GRIA2: variants seen among roughly 807,000 people sequenced by gnomAD.
GRIA2 encodes glutamate receptor 2.
GRIA2 carries 14 observed loss-of-function variants against 97.3 expected under a neutral mutation model. The observed-to-expected ratio is 0.14, with a 90% confidence interval of 0.10 to 0.23. The LOEUF is 0.23. Ranked by LOEUF, GRIA2 falls within the 10% of genes least tolerant of loss-of-function variation. The pLI is 1.00. For missense variants in GRIA2, 558 were observed against 1,069.8 expected, an observed-to-expected ratio of 0.52 and a Z score of 6.67; for synonymous variants, 412 against 387.8, an observed-to-expected ratio of 1.06 and a Z score of -0.73.
chr4:157,315,023 A>G (rs191184450), intron 4 of GRIA2, among the ~76,000 whole-genome samples: 1 of 152,298 alleles, frequency 6.6e-6, no homozygotes, highest in East Asian at 1.9e-4. Flanking sequence ...AGGAGAAAGA[A>G]CCTTTCTTAA....
intron 10 of GRIA2, 118 bp downstream of exon 10, chr4:157,335,995 A>T (rs942409669): frequency 2.8e-6 from 2 of 721,444 alleles, no homozygotes; most frequent in Non-Finnish European, 4.9e-6. Context: ...ATTACTCTAG[A>T]AACATTATCT....
chr4:157,353,987 T>C (rs1187269847), intron 12 of GRIA2, among the ~76,000 whole-genome samples: 1 of 152,100 alleles, frequency 6.6e-6, no homozygotes, highest in Admixed American at 6.5e-5. Flanking sequence ...AGTTTTCATA[T>C]AAAATGTCAT....
intron 2 of GRIA2, among the ~76,000 whole-genome samples, chr4:157,300,414 G>A (rs1170026391): frequency 6.6e-6 from 1 of 152,028 alleles, no homozygotes; most frequent in Non-Finnish European, 1.5e-5. Context: ...AAGTACCTTA[G>A]TTTAGGTAAG....
intron 2 of GRIA2, among the ~76,000 whole-genome samples, chr4:157,267,139 T>A (rs1204453026): frequency 2.0e-5 from 3 of 151,270 alleles, no homozygotes; most frequent in East Asian, 3.9e-4. Context: ...TAAAAAAAAA[T>A]GTTGGGCTGG....
intron 8 of GRIA2, 53 bp from the exon 9 acceptor site, chr4:157,333,957 T>C: frequency 1.2e-6 from 1 of 828,816 alleles, no homozygotes; most frequent in Non-Finnish European, 2.1e-6. Context: ...TTAAATGCTT[T>C]GCTAATAGAC....
chr4:157,354,808 A>G (rs1207588287), intron 12 of GRIA2, among the ~76,000 whole-genome samples: 1 of 152,310 alleles, frequency 6.6e-6, no homozygotes, highest in East Asian at 1.9e-4. Flanking sequence ...ATCTTTCTAT[A>G]GGGAAGGATT....
intron 2 of GRIA2, among the ~76,000 whole-genome samples, chr4:157,226,901 T>C (rs1030446801): frequency 6.6e-6 from 1 of 152,152 alleles, no homozygotes; most frequent in East Asian, 1.9e-4. Flanking sequence ...TTCAGTTATA[T>C]TCAATTGCAG....
intron 2 of GRIA2, among the ~76,000 whole-genome samples, chr4:157,241,562 G>T (rs1026128660): frequency 2.0e-5 from 3 of 151,880 alleles, no homozygotes; most frequent in Non-Finnish European, 4.4e-5. Flanking sequence ...GTGTAACATA[G>T]ACAAAAAAGA....
At chr4:157,249,126 C>T (rs545719615) in intron 2 of GRIA2, among the ~76,000 whole-genome samples, 4 of 152,216 alleles carry the variant, frequency 2.6e-5, no homozygotes, top group Admixed American at 6.5e-5. Flanking sequence ...TGAGCCATCA[C>T]GCCCAGCTCA....
At chr4:157,285,279 A>C (rs1034343963) in intron 2 of GRIA2, among the ~76,000 whole-genome samples, 2 of 151,496 alleles carry the variant, frequency 1.3e-5, no homozygotes, top group Admixed American at 1.3e-4. Flanking sequence ...GTACTGATTC[A>C]TAGTTCTTTA....
At chr4:157,359,563 T>G (rs1308277096) in intron 12 of GRIA2, among the ~76,000 whole-genome samples, 1 of 152,170 alleles carries the variant, frequency 6.6e-6, no homozygotes, top group East Asian at 1.9e-4. Context: ...ATATCCTTTT[T>G]GTTGTCTCCT....
intron 3 of GRIA2, among the ~76,000 whole-genome samples, 160 bp downstream of exon 3, chr4:157,303,951 A>G (rs974682896): frequency 6.6e-6 from 1 of 152,208 alleles, no homozygotes; most frequent in Non-Finnish European, 1.5e-5. Context: ...AACCTGGGAA[A>G]CATATTTAGA....
chr4:157,253,223 C>T (rs1470502570), intron 2 of GRIA2, among the ~76,000 whole-genome samples: 1 of 151,424 alleles, frequency 6.6e-6, no homozygotes, highest in East Asian at 2.0e-4. Context: ...CTCAAGCCAT[C>T]CTCCCACTTC....
intron 2 of GRIA2, among the ~76,000 whole-genome samples, chr4:157,281,562 GCTTT>G (rs1296648838): frequency 6.6e-6 from 1 of 152,012 alleles, no homozygotes; most frequent in African/African-American, 2.4e-5. Context: ...AGAATCTTCT[GCTTT>G]CTAAGAAGTT....
intron 2 of GRIA2, among the ~76,000 whole-genome samples, chr4:157,253,443 T>C (rs1731103995): frequency 6.6e-6 from 1 of 151,974 alleles, no homozygotes; most frequent in Non-Finnish European, 1.5e-5. Flanking sequence ...TAAAATACAG[T>C]AAGTGGGAAT....
At chr4:157,289,516 T>C (rs1732998498) in intron 2 of GRIA2, among the ~76,000 whole-genome samples, 1 of 151,860 alleles carries the variant, frequency 6.6e-6, no homozygotes, top group African/African-American at 2.4e-5. Flanking sequence ...GAAGATAATG[T>C]ACAGGTAAAA....
At chr4:157,289,102 G>A (rs1732975456) in intron 2 of GRIA2, among the ~76,000 whole-genome samples, 1 of 151,804 alleles carries the variant, frequency 6.6e-6, no homozygotes. Context: ...TGAGAAGGCA[G>A]CAAAGATTTG....
chr4:157,281,135 C>A (rs1732574419), intron 2 of GRIA2, among the ~76,000 whole-genome samples: 1 of 152,178 alleles, frequency 6.6e-6, no homozygotes, highest in South Asian at 2.1e-4. Context: ...ATAACCTCAA[C>A]AATTCAATTC....
chr4:157,279,580 A>G (rs1468759862), intron 2 of GRIA2, among the ~76,000 whole-genome samples: 1 of 152,146 alleles, frequency 6.6e-6, no homozygotes, highest in Non-Finnish European at 1.5e-5. Context: ...AATAATATGC[A>G]TAGTATTATT....
Sources: gnomAD v4.1 joint callset for allele counts (sites outside exome capture counted in the v4.1 genomes callset) on GRCh38, gnomAD v4.1.1 for gene constraint, MANE v1.5 for transcripts, NCBI Gene and HGNC (gene_info 2026-07-23, HGNC 2026-07-21) for gene names.